The following ANXA8 variants were observed in gnomAD, a reference collection of about 807,000 sequenced individuals.
The protein encoded by ANXA8 is VAC-beta.
A neutral mutation model predicts 26.8 loss-of-function variants in ANXA8; 9 were observed. The ratio of observed to expected loss-of-function variants is 0.34; its 90% CI spans 0.20 to 0.59. The LOEUF is 0.59. Among genes scored for constraint, ANXA8 ranks in the 20% least tolerant of loss-of-function variants. ANXA8 has a pLI of 0.84. For synonymous variants in ANXA8, 39 were observed against 94.8 expected, an observed-to-expected ratio of 0.41 and a Z score of 3.42; for missense variants, 83 against 238.5, an observed-to-expected ratio of 0.35 and a Z score of 4.29.
At chr10:47,684,425 G>GT in the ANXA8 span, among the ~76,000 whole-genome samples, 1 of 67,536 alleles carries the variant, frequency 1.5e-5, no homozygotes, top group Admixed American at 1.4e-4. Flanking sequence ...TTTTTTTTTG[G>GT]GGGGGGGGTG....
At chr10:47,986,024 C>T in the ANXA8 span, 3 of 151,400 alleles carry the variant, frequency 2.0e-5, no homozygotes, top group Non-Finnish European at 4.4e-5. Context: ...CAGTTTTTGT[C>T]TTTTATGAAT....
At chr10:47,982,772 C>T in the ANXA8 span, among the ~76,000 whole-genome samples, 1 of 106,176 alleles carries the variant, frequency 9.4e-6, no homozygotes, top group Non-Finnish European at 2.0e-5. Flanking sequence ...AAAAAGCAAC[C>T]CACAGAATGG....
the ANXA8 span, among the ~76,000 whole-genome samples, chr10:47,680,486 T>G: frequency 2.0e-5 from 3 of 151,814 alleles, no homozygotes; most frequent in African/African-American, 7.3e-5. Context: ...AATACAAAAA[T>G]TAGCTGGGTG....
chr10:47,692,561 C>T, the ANXA8 span: 3 of 72,504 alleles, frequency 4.1e-5, no homozygotes, highest in African/African-American at 1.5e-4. Context: ...GTTCACCCCT[C>T]CTTAGGGAAC....
the ANXA8 span, among the ~76,000 whole-genome samples, chr10:47,698,167 G>T: frequency 6.7e-6 from 1 of 150,246 alleles, no homozygotes; most frequent in African/African-American, 2.5e-5. Context: ...GAACTGGTTT[G>T]TGGGGAAAAG....
At chr10:47,750,086 T>C in the ANXA8 span, among the ~76,000 whole-genome samples, 2 of 151,666 alleles carry the variant, frequency 1.3e-5, no homozygotes, top group Non-Finnish European at 1.5e-5. Context: ...AATAAACAAA[T>C]TCATAATAAC....
the ANXA8 span, among the ~76,000 whole-genome samples, chr10:47,619,704 AG>A: frequency 8.7e-6 from 1 of 114,384 alleles, no homozygotes; most frequent in African/African-American, 3.3e-5. Flanking sequence ...TTGACTTCCC[AG>A]GATATGTCTT....
chr10:47,597,810 A>G, the ANXA8 span, among the ~76,000 whole-genome samples: 2 of 114,496 alleles, frequency 1.7e-5, no homozygotes, highest in Non-Finnish European at 3.5e-5. Context: ...GATTGGAAGA[A>G]TCAACATCAT....
At chr10:47,954,145 G>T in the ANXA8 span, among the ~76,000 whole-genome samples, 5 of 150,606 alleles carry the variant, frequency 3.3e-5, no homozygotes, top group Admixed American at 2.6e-4. Context: ...CACTCTAATT[G>T]TTCAACAATA....
At chr10:47,649,231 C>G in the ANXA8 span, among the ~76,000 whole-genome samples, 2 of 150,432 alleles carry the variant, frequency 1.3e-5, no homozygotes, top group African/African-American at 2.5e-5. Flanking sequence ...TTGCCCTCAT[C>G]ATACTGTAGC....
chr10:47,499,097 G>T, the ANXA8 span, among the ~76,000 whole-genome samples: 1 of 138,306 alleles, frequency 7.2e-6, no homozygotes, highest in Non-Finnish European at 1.5e-5. Flanking sequence ...GTGAGACTCG[G>T]TCTCAAAAAA....
chr10:47,525,705 AATTTC>A, the ANXA8 span, among the ~76,000 whole-genome samples: 1 of 135,448 alleles, frequency 7.4e-6, no homozygotes, highest in African/African-American at 2.8e-5. Context: ...TTGTTTCTCT[AATTTC>A]ATTTTCAGAT....
rs1170101740 is a variant in ANXA8 at position 47,474,933 on chromosome 10, G to A, written c.552+12C>T. 5 of 1,533,272 alleles carry A rather than the reference G, an allele frequency of 3.3e-6. No individual in the cohort carries two copies. The highest frequency in any genetic ancestry group is 1.9e-4 in the Middle Eastern group (1 of 5,256). The allele number at this position is 1,533,272 out of a possible 1,614,324, so 95.0% of individuals were successfully genotyped here. A position where few individuals can be genotyped will look rare whatever the true frequency, so the allele number is the denominator to read the frequency against. ...GGGGTGGGGCCACATGGCCGGCTGG[G>A]CGCAGCCTCACCTGTGCGTCTTGGA... is the stretch of plus-strand genomic sequence containing the variant. On this transcript the variant is annotated intron_variant, in intron 7 of 11. Coordinates refer to ENST00000585281, the MANE Select transcript of ANXA8 (RefSeq NM_001040084.3).
chr10:47,973,874 G>T, the ANXA8 span, among the ~76,000 whole-genome samples: 2 of 151,136 alleles, frequency 1.3e-5, no homozygotes, highest in Non-Finnish European at 3.0e-5. Context: ...ATAGAATTTA[G>T]CTGTGAATCC....
chr10:47,513,108 C>T, the ANXA8 span, among the ~76,000 whole-genome samples: 1 of 147,064 alleles, frequency 6.8e-6, no homozygotes, highest in Non-Finnish European at 1.5e-5. Flanking sequence ...GATCTTGGCT[C>T]ACTGCAACCT....
chr10:47,949,479 A>G, the ANXA8 span, among the ~76,000 whole-genome samples: 16 of 150,050 alleles, frequency 1.1e-4, no homozygotes, highest in African/African-American at 4.0e-4. Context: ...AAAACACTTA[A>G]TGGTAAGTAT....
At chr10:47,722,534 A>C in the ANXA8 span, among the ~76,000 whole-genome samples, 1 of 139,912 alleles carries the variant, frequency 7.1e-6, no homozygotes, top group Non-Finnish European at 1.6e-5. Context: ...TGAAGGCTTG[A>C]CTGGGGCTGG....
chr10:47,655,891 A>G, the ANXA8 span, among the ~76,000 whole-genome samples: 1 of 151,946 alleles, frequency 6.6e-6, no homozygotes, highest in African/African-American at 2.4e-5. Context: ...ATGGTGGTGC[A>G]TGCCTGTAAT....
At chr10:47,600,486 A>T in the ANXA8 span, among the ~76,000 whole-genome samples, 1 of 148,984 alleles carries the variant, frequency 6.7e-6, no homozygotes, top group African/African-American at 2.6e-5. Flanking sequence ...CCCTGTCGGG[A>T]TGTTGCATAC....
Sources: allele counts gnomAD v4.1 joint callset (sites outside exome capture counted in the v4.1 genomes callset), GRCh38; gene constraint gnomAD v4.1.1; transcripts MANE v1.5; gene names NCBI Gene and HGNC (gene_info 2026-07-23, HGNC 2026-07-21).